The following SMAP1 variants were observed in gnomAD, a reference collection of about 807,000 sequenced individuals.
SMAP1 encodes small ArfGAP 1.
In SMAP1, 24 loss-of-function variants were observed where a neutral mutation model predicts 58.5. That is an observed-to-expected ratio of 0.41 (90% CI 0.30 to 0.58). The LOEUF (loss-of-function observed/expected upper bound fraction) is 0.58, where lower values mean the gene tolerates loss of function less well. Among genes scored for constraint, SMAP1 ranks in the 20% least tolerant of loss-of-function variants. The pLI is 0.29. For synonymous variants in SMAP1, 216 were observed against 196.6 expected, an observed-to-expected ratio of 1.10 and a Z score of -0.82; for missense variants, 563 against 566.3, an observed-to-expected ratio of 0.99 and a Z score of 0.06.
chr6:70,821,338 C>CT (rs543413025), intron 6 of SMAP1, among the ~76,000 whole-genome samples: 11 of 149,104 alleles, frequency 7.4e-5, no homozygotes, highest in Non-Finnish European at 1.3e-4. Context: ...ATATGCCATA[C>CT]TTTTTTTTTT....
At chr6:70,859,201 C>T (rs1771582360) in intron 10 of SMAP1, 1 of 596,580 alleles carries the variant, frequency 1.7e-6, no homozygotes, top group Admixed American at 3.3e-5. Context: ...TTGGTCTCTA[C>T]CCGCTGGGAA....
chr6:70,745,696 T>C lies in SMAP1; in HGVS notation c.253-9284T>C, dbSNP rs578076520. On this transcript the variant is annotated intron_variant, in intron 2 of 10. Coordinates refer to ENST00000370455, the MANE Select transcript of SMAP1 (RefSeq NM_001044305.3). ...CCATATGAACTTTAAAGTAGTTTTTTCCAATTCTGTGAAGAAAGTCATTGG... is the reference window on the plus strand; with the variant it reads ...CCATATGAACTTTAAAGTAGTTTTTCCCAATTCTGTGAAGAAAGTCATTGG... 3.7e-4 allele frequency among the ~76,000 whole-genome samples: 56 copies of C among 152,338 alleles called. No homozygotes were observed. The East Asian group carries it at 9.1e-3, about 25-fold the overall frequency.
chr6:70,677,017 A>G (rs981043295), intron 1 of SMAP1, among the ~76,000 whole-genome samples: 1 of 152,034 alleles, frequency 6.6e-6, no homozygotes, highest in Non-Finnish European at 1.5e-5. Flanking sequence ...TTTCAAACTC[A>G]TGGCCTCAAG....
intron 1 of SMAP1, among the ~76,000 whole-genome samples, chr6:70,675,752 A>G (rs764007568): frequency 6.6e-6 from 1 of 152,130 alleles, no homozygotes; most frequent in Non-Finnish European, 1.5e-5. Flanking sequence ...TTCATGCTCA[A>G]AAGGATCTGT....
intron 1 of SMAP1, among the ~76,000 whole-genome samples, chr6:70,714,083 AT>A (rs1768167728): frequency 6.6e-6 from 1 of 152,014 alleles, no homozygotes; most frequent in Admixed American, 6.5e-5. Context: ...TGCATGGACT[AT>A]TCTTTTCTAT....
chr6:70,787,477 C>T (rs542081051), intron 4 of SMAP1, among the ~76,000 whole-genome samples: 167 of 151,550 alleles, frequency 1.1e-3, no homozygotes, highest in African/African-American at 3.8e-3. Context: ...AGAGCTTCTG[C>T]ACAGCAAAAG....
intron 6 of SMAP1, among the ~76,000 whole-genome samples, chr6:70,815,346 T>C (rs760933074): frequency 6.6e-6 from 1 of 152,208 alleles, no homozygotes; most frequent in Non-Finnish European, 1.5e-5. Context: ...TTTAGTGCTT[T>C]ATGATGGGCA....
At chr6:70,738,828 C>T (rs902264377) in intron 2 of SMAP1, among the ~76,000 whole-genome samples, 7 of 152,034 alleles carry the variant, frequency 4.6e-5, no homozygotes, top group African/African-American at 1.7e-4. Flanking sequence ...CATGTTGTCC[C>T]AATATTCAGT....
At chr6:70,815,300 A>AAATAC (rs1769570655) in intron 6 of SMAP1, among the ~76,000 whole-genome samples, 1 of 152,180 alleles carries the variant, frequency 6.6e-6, no homozygotes, top group African/African-American at 2.4e-5. Context: ...TAGTTGTATA[A>AAATAC]AATACAATAC....
chr6:70,860,005 T>C (rs765372727), intron 10 of SMAP1, 195 bp from the exon 11 acceptor site: 9 of 506,908 alleles, frequency 1.8e-5, no homozygotes, highest in Non-Finnish European at 2.2e-5. Flanking sequence ...TTGGGGAAAC[T>C]GTATCTAGAA....
chr6:70,735,645 C>G (rs111753429), intron 2 of SMAP1, among the ~76,000 whole-genome samples: 2 of 151,990 alleles, frequency 1.3e-5, no homozygotes, highest in Non-Finnish European at 2.9e-5. Context: ...AACACACACC[C>G]GTAGTCCCAG....
chr6:70,783,565 A>G (rs1383996968), intron 4 of SMAP1, among the ~76,000 whole-genome samples: 1 of 152,210 alleles, frequency 6.6e-6, no homozygotes, highest in Non-Finnish European at 1.5e-5. Flanking sequence ...AAAAAATTAG[A>G]TGAATGTATA....
At chr6:70,856,155 C>G (rs1035965061) in intron 8 of SMAP1, among the ~76,000 whole-genome samples, 1 of 152,124 alleles carries the variant, frequency 6.6e-6, no homozygotes, top group Admixed American at 6.6e-5. Context: ...TGTTTAGTGA[C>G]TACGGAGATG....
chr6:70,779,787 C>G (rs1036450591), intron 4 of SMAP1, among the ~76,000 whole-genome samples: 2 of 152,062 alleles, frequency 1.3e-5, no homozygotes, highest in Non-Finnish European at 2.9e-5. Context: ...GTTGTGTGCT[C>G]CATTTGAGAA....
In SMAP1 at chr6:70,837,044, TAA is replaced by T; in HGVS notation, c.664+19_664+20del. ...TTAGGACTTGGTAAGTAATAAAAAA[TAA>T]AAGTCACTGCTGGAGTTACAAAACA... On this transcript the variant is annotated intron_variant, in intron 7 of 10. Transcript: ENST00000370455. The T allele has an allele frequency of 6.5e-7, 1 of 1,534,526 alleles. No individual in the cohort carries two copies. Among genetic ancestry groups the T allele is most frequent in the South Asian group, 1.3e-5 (1 of 78,148 alleles).
At chr6:70,744,940 T>G (rs887377303) in intron 2 of SMAP1, among the ~76,000 whole-genome samples, 18 of 152,276 alleles carry the variant, frequency 1.2e-4, no homozygotes, top group Non-Finnish European at 2.2e-4. Context: ...TGAGCATTTT[T>G]TCATGTGTCT....
intron 4 of SMAP1, among the ~76,000 whole-genome samples, chr6:70,781,875 G>A (rs947580877): frequency 6.6e-6 from 1 of 152,162 alleles, no homozygotes; most frequent in Non-Finnish European, 1.5e-5. Flanking sequence ...TACAATTGTA[G>A]TGTTCTGGGA....
intron 3 of SMAP1, among the ~76,000 whole-genome samples, chr6:70,765,849 C>T (rs1308668527): frequency 6.6e-6 from 1 of 151,390 alleles, no homozygotes; most frequent in Non-Finnish European, 1.5e-5. Flanking sequence ...CACCCATTAA[C>T]TCGTCATTTA....
In SMAP1 at chr6:70,836,940, G is replaced by A; in HGVS notation, c.577-1G>A. 1.9e-6 allele frequency: 3 copies of A among 1,571,906 alleles called. No individual in the cohort carries two copies. The highest frequency in any genetic ancestry group is 2.6e-6 in the Non-Finnish European group (3 of 1,162,978). Reference sequence around the variant, plus strand: ...AATAAATCCAATTATTTACTTTAAAGCTGCAGAAGAAAGATCAGCAACTGG... The same window carrying A: ...AATAAATCCAATTATTTACTTTAAAACTGCAGAAGAAAGATCAGCAACTGG... On this transcript the variant is annotated splice_acceptor_variant, in intron 6 of 10. Coordinates refer to ENST00000370455, the MANE Select transcript of SMAP1 (RefSeq NM_001044305.3). LOFTEE classifies it high-confidence loss of function.
Sources: gnomAD v4.1 joint callset for allele counts (sites outside exome capture counted in the v4.1 genomes callset) on GRCh38, gnomAD v4.1.1 for gene constraint, MANE v1.5 for transcripts, NCBI Gene and HGNC (gene_info 2026-07-23, HGNC 2026-07-21) for gene names.